The following EIF3D variants were observed in gnomAD, a reference collection of about 807,000 sequenced individuals.
EIF3D encodes the protein eukaryotic translation initiation factor 3 subunit D.
EIF3D carries 10 observed loss-of-function variants against 75.4 expected under a neutral mutation model. The ratio of observed to expected loss-of-function variants is 0.13; its 90% CI spans 0.08 to 0.22. The LOEUF is 0.22. Among genes scored for constraint, EIF3D ranks in the 10% least tolerant of loss-of-function variants. The probability of loss-of-function intolerance (pLI) is 1.00; values close to 1 mark genes in which losing one functional copy is unlikely to be tolerated. For missense variants in EIF3D, 394 were observed against 708.0 expected (o/e 0.56, Z 5.03); for synonymous variants, 246 against 248.3 (o/e 0.99, Z 0.09).
intron 13 of EIF3D, 87 bp from the exon 14 acceptor site, chr22:36,511,873 C>G: frequency 6.6e-7 from 1 of 1,514,678 alleles, no homozygotes; most frequent in Non-Finnish European, 8.8e-7. Flanking sequence ...AATGGTGATA[C>G]CTGGTCCACT....
intron 12 of EIF3D, chr22:36,516,270 A>T: frequency 1.8e-6 from 1 of 548,432 alleles, no homozygotes; most frequent in Non-Finnish European, 3.1e-6. Flanking sequence ...CTTAACACTT[A>T]ACATAGTTCT....
intron 3 of EIF3D, 39 bp from the exon 4 acceptor site, chr22:36,524,771 C>A: frequency 6.2e-7 from 1 of 1,613,836 alleles, no homozygotes; most frequent in Non-Finnish European, 8.5e-7. Context: ...ACTGCACCCA[C>A]AGACTTTACC....
Position 36,519,433 on chromosome 22 carries a change from G to T in EIF3D, c.683C>A (p.Thr228Asn). 1 of 1,614,222 alleles carries T rather than the reference G, an allele frequency of 6.2e-7. No homozygotes were observed. Among genetic ancestry groups the T allele is most frequent in the Non-Finnish European group, 8.5e-7 (1 of 1,180,040 alleles). ...GCGGATGACAGGGTCGTCTGTGGTG[G>T]TGACAGTGTGGAAGATGCGCTTGAT... ...RSIKRIFHTV[T>N]TTDDPVIRKL... The change falls in exon 8 of 15, where the codon ACC becomes AAC. Residue 228 changes from threonine (T) to asparagine (N), a missense_variant. Coordinates refer to ENST00000216190, the MANE Select transcript of EIF3D (RefSeq NM_003753.4).
intron 1 of EIF3D, among the ~76,000 whole-genome samples, chr22:36,527,562 C>G (rs1367353362): frequency 1.3e-5 from 2 of 152,268 alleles, no homozygotes; most frequent in South Asian, 4.1e-4. Flanking sequence ...TCTTGGAGGC[C>G]GGGCGCGGTG....
chr22:36,528,228 T>A (rs5995297), intron 1 of EIF3D, among the ~76,000 whole-genome samples: 46,424 of 151,754 alleles, frequency 0.31, 9,060 homozygotes, highest in African/African-American at 0.56. Flanking sequence ...CTTTCCATTA[T>A]ATTACAGCTG....
Position 36,524,659 on chromosome 22 carries a change from C to T in EIF3D, c.243G>A (p.Gln81=). ...YFHEEDESSF[Q]LVDTARTQKT... is the part of the protein sequence containing the mutation. Reference sequence around the variant, plus strand: ...TCTGTGTGCGCGCTGTATCCACCAGCTGGAAGCTACTTTCATCCTCCTCAT... The same window carrying T: ...TCTGTGTGCGCGCTGTATCCACCAGTTGGAAGCTACTTTCATCCTCCTCAT... The change falls in exon 4 of 15, where the codon CAG becomes CAA. Residue 81 remains glutamine (Q), a synonymous_variant. Transcript: ENST00000216190. 1 of 1,614,222 alleles carries T rather than the reference C, an allele frequency of 6.2e-7. No individual in the cohort carries two copies.
At chr22:36,514,326 C>T (rs2145869707) in intron 12 of EIF3D, among the ~76,000 whole-genome samples, 1 of 151,224 alleles carries the variant, frequency 6.6e-6, no homozygotes, top group South Asian at 2.1e-4. Flanking sequence ...AGATGACCCC[C>T]AGTGACCCTT....
At chr22:36,521,463 T>C (rs61105152) in intron 6 of EIF3D, among the ~76,000 whole-genome samples, 13,234 of 152,222 alleles carry the variant, frequency 0.087, 674 homozygotes, top group Middle Eastern at 0.14. Context: ...TTTGCTTACA[T>C]GTGTTCTGTT....
At chr22:36,524,031 C>A (rs749082358) in intron 4 of EIF3D, 51 bp from the exon 5 acceptor site, 1 of 1,584,122 alleles carries the variant, frequency 6.3e-7, no homozygotes, top group South Asian at 1.1e-5. Context: ...ATTTGGCTCA[C>A]AATAGGCAGA....
chr22:36,528,600 T>TG (rs1934645390), intron 1 of EIF3D: 1 of 128,540 alleles, frequency 7.8e-6, no homozygotes, highest in African/African-American at 4.3e-5. Context: ...GAACAGGGGG[T>TG]GGGGTAGATT....
chr22:36,526,854 G>A (rs1041289525), intron 1 of EIF3D: 2 of 152,208 alleles, frequency 1.3e-5, no homozygotes, highest in African/African-American at 4.8e-5. Flanking sequence ...CTCCCAAAGT[G>A]CTGGGATTAC....
chr22:36,517,506 G>A, intron 9 of EIF3D, 75 bp from the exon 10 acceptor site: 1 of 1,476,530 alleles, frequency 6.8e-7, no homozygotes, highest in South Asian at 1.4e-5. Context: ...GTGGGGAGAT[G>A]TGGAGAGGCA....
At chr22:36,523,357 TCTTCAGCTAAAC>T in intron 5 of EIF3D, 76 bp from the exon 6 acceptor site, 1 of 1,164,506 alleles carries the variant, frequency 8.6e-7, no homozygotes, top group Non-Finnish European at 1.2e-6. Context: ...GCTGCCATTC[TCTTCAGCTAAAC>T]CTTACCATCA....
At position 36,511,718 on chromosome 22, in the gene EIF3D, G is replaced by A. The variant is rs994833041; in HGVS notation, c.1418C>T (p.Pro473Leu). ...GTTGATCTGGCTGGCAAACTCATTA[G>A]GCTTGAACTGCTGGGTGCCTAGGAT... ...HVILGTQQFKPNEFASQINLS... is the reference protein window; with the variant it reads ...HVILGTQQFKLNEFASQINLS... Residue 473 changes from proline (P) to leucine (L), a missense_variant, in exon 14 of 15, where the codon CCT becomes CTT. Coordinates refer to ENST00000216190, the MANE Select transcript of EIF3D (RefSeq NM_003753.4). The A allele has an allele frequency of 1.2e-6, 2 of 1,613,934 alleles. No individual in the cohort carries two copies. Among genetic ancestry groups the A allele is most frequent in the Non-Finnish European group, 8.5e-7 (1 of 1,180,020 alleles).
chr22:36,516,374 G>GA, intron 12 of EIF3D, 104 bp downstream of exon 12: 1 of 1,416,946 alleles, frequency 7.1e-7, no homozygotes. Flanking sequence ...TATAAGTAAC[G>GA]AAAGGGGATA....
intron 11 of EIF3D, 24 bp downstream of exon 11, chr22:36,516,681 A>G: frequency 6.2e-7 from 1 of 1,614,198 alleles, no homozygotes; most frequent in South Asian, 1.1e-5. Flanking sequence ...TCTGGCCACA[A>G]TACCCACCAG....
chr22:36,511,903 T>C lies in EIF3D; in HGVS notation c.1350-117A>G, dbSNP rs545008267. On this transcript the variant is annotated intron_variant, in intron 13 of 14. Transcript: ENST00000216190. ...TCCACTGCTATTTTTTCTTTTTTTTTTTTTTGAGACGGAGTCTGGCTCTGT... is the reference window on the plus strand; with the variant it reads ...TCCACTGCTATTTTTTCTTTTTTTTCTTTTTGAGACGGAGTCTGGCTCTGT... 222 of 1,438,224 alleles carry C rather than the reference T, an allele frequency of 1.5e-4. 1 individual carries two copies. The East Asian group carries it at 5.0e-3, about 32-fold the overall frequency. 89.1% of individuals were successfully genotyped at this position (1,438,224 alleles called of 1,614,324 possible). A position where few individuals can be genotyped will look rare whatever the true frequency, so the allele number is the denominator to read the frequency against.
At chr22:36,511,358 G>T in intron 14 of EIF3D, 145 bp downstream of exon 14, 1 of 1,471,358 alleles carries the variant, frequency 6.8e-7, no homozygotes, top group Non-Finnish European at 9.1e-7. Context: ...AGAAGCTCTT[G>T]GAGCCAAAGT....
At chr22:36,515,941 T>C (rs1470094319) in intron 12 of EIF3D, 2 of 152,050 alleles carry the variant, frequency 1.3e-5, no homozygotes, top group Non-Finnish European at 2.9e-5. Flanking sequence ...GGAGGAAAAG[T>C]GAAGGAAGCA....
Sources: gnomAD v4.1 joint callset for allele counts (sites outside exome capture counted in the v4.1 genomes callset) on GRCh38, gnomAD v4.1.1 for gene constraint, MANE v1.5 for transcripts, NCBI Gene and HGNC (gene_info 2026-07-23, HGNC 2026-07-21) for gene names.